Variants in WDR27 observed in about 807,000 individuals in gnomAD.
WDR27 encodes the protein WD repeat-containing protein 27.
A neutral mutation model predicts 114.4 loss-of-function variants in WDR27; 100 were observed. The ratio of observed to expected loss-of-function variants is 0.87; its 90% CI spans 0.74 to 1.03. The LOEUF (loss-of-function observed/expected upper bound fraction) is 1.03. Among genes scored for constraint, WDR27 ranks in the 50% least tolerant of loss-of-function variants. The pLI, the probability that WDR27 is intolerant of heterozygous loss-of-function variation, is 0.00. For synonymous variants in WDR27, 449 were observed against 423.1 expected, an observed-to-expected ratio of 1.06 and a Z score of -0.75; for missense variants, 1,129 against 1,092.9, an observed-to-expected ratio of 1.03 and a Z score of -0.47.
At chr6:169,583,983 G>A (rs1804068893) in intron 23 of WDR27, among the ~76,000 whole-genome samples, 1 of 152,120 alleles carries the variant, frequency 6.6e-6, no homozygotes, top group Non-Finnish European at 1.5e-5. Context: ...ACTAACTTGA[G>A]CACTCATGTT....
At position 169,506,436 on chromosome 6, in the gene WDR27, C is replaced by G. The variant is rs1430066524; in HGVS notation, c.2646-48802G>C. On this transcript the variant is annotated intron_variant, in intron 25 of 25. Transcript: ENST00000448612. ...GCTAATCTTAATGGAGTAACTTTCT[C>G]AAATGTCTGGATTTATAATTTCTAA... Among the ~76,000 whole-genome samples, 12 of 152,272 alleles carry G rather than the reference C, an allele frequency of 7.9e-5. No individual in the cohort carries two copies. The East Asian group carries it at 1.5e-3, about 20-fold the overall frequency.
chr6:169,689,448 C>T (rs1045469459), intron 1 of WDR27: 1 of 152,960 alleles, frequency 6.5e-6, no homozygotes, highest in African/African-American at 2.4e-5. Context: ...GAATTGACCA[C>T]AGCAAATCAG....
intron 22 of WDR27, among the ~76,000 whole-genome samples, chr6:169,613,229 C>T (rs1811019570): frequency 6.6e-6 from 1 of 152,072 alleles, no homozygotes; most frequent in Non-Finnish European, 1.5e-5. Context: ...TGGATGGCAC[C>T]CAGTGGAGAT....
chr6:169,447,245 C>T, the WDR27 span, among the ~76,000 whole-genome samples: 1 of 152,154 alleles, frequency 6.6e-6, no homozygotes, highest in Non-Finnish European at 1.5e-5. Flanking sequence ...CACTTATGAG[C>T]TGTGTTTTTA....
chr6:169,668,460 C>G, intron 4 of WDR27: 1 of 387,312 alleles, frequency 2.6e-6, no homozygotes, highest in East Asian at 5.9e-5. Context: ...CCTTCCCAAT[C>G]CCTCAGCATC....
At chr6:169,570,597 G>A (rs1432269743) in intron 25 of WDR27, among the ~76,000 whole-genome samples, 1 of 152,224 alleles carries the variant, frequency 6.6e-6, no homozygotes, top group African/African-American at 2.4e-5. Context: ...GGGAGGCCTA[G>A]GCGGGCGGAT....
At chr6:169,660,577 G>C in intron 10 of WDR27, 86 bp downstream of exon 10, 1 of 1,103,184 alleles carries the variant, frequency 9.1e-7, no homozygotes, top group Non-Finnish European at 1.4e-6. Context: ...ACACGGCAAG[G>C]CCTTCTCCAC....
the WDR27 span, among the ~76,000 whole-genome samples, chr6:169,440,023 G>T: frequency 6.6e-6 from 1 of 150,522 alleles, no homozygotes; most frequent in African/African-American, 2.5e-5. Flanking sequence ...AAAATCTGAA[G>T]CCTGCCTTGA....
At chr6:169,510,890 T>G (rs922314063) in intron 25 of WDR27, among the ~76,000 whole-genome samples, 1 of 152,212 alleles carries the variant, frequency 6.6e-6, no homozygotes, top group African/African-American at 2.4e-5. Flanking sequence ...TACTATTTCT[T>G]AGTGAATTCA....
chr6:169,526,010 T>C (rs1387785103), intron 25 of WDR27, among the ~76,000 whole-genome samples: 1 of 152,038 alleles, frequency 6.6e-6, no homozygotes, highest in Non-Finnish European at 1.5e-5. Flanking sequence ...TTCCCCCTCA[T>C]ATGTGGAGGA....
intron 2 of WDR27, among the ~76,000 whole-genome samples, chr6:169,674,143 T>A (rs1389013889): frequency 6.6e-6 from 1 of 152,186 alleles, no homozygotes; most frequent in Non-Finnish European, 1.5e-5. Flanking sequence ...AGCTATACTT[T>A]TTTTTCATAT....
chr6:169,502,661 C>G (rs891012946), intron 25 of WDR27, among the ~76,000 whole-genome samples: 1 of 152,142 alleles, frequency 6.6e-6, no homozygotes, highest in Non-Finnish European at 1.5e-5. Context: ...TCTCACTCCC[C>G]GGCGCTCCCT....
intron 6 of WDR27, chr6:169,666,793 T>A: frequency 2.0e-6 from 2 of 1,019,032 alleles, no homozygotes; most frequent in South Asian, 8.9e-5. Flanking sequence ...GTCCTGGCCC[T>A]ACCAACACCG....
Position 169,701,984 on chromosome 6 carries a change from G to A in WDR27, c.-441C>T. ...CCGAGCCACACTCCGCCCCACGCTC[G>A]CCGCTATGGTTACTTGCCAGCCGAC... On this transcript the variant is annotated 5_prime_UTR_variant, in exon 1 of 26. Transcript: ENST00000448612. The A allele has an allele frequency of 2.5e-6, 1 of 399,980 alleles. No homozygotes were observed. Among genetic ancestry groups the A allele is most frequent in the South Asian group, 1.8e-5 (1 of 55,608 alleles). The allele number at this position is 399,980 out of a possible 1,614,324, so 24.8% of individuals were successfully genotyped here. A position where few individuals can be genotyped will look rare whatever the true frequency, so the allele number is the denominator to read the frequency against.
chr6:169,427,811 A>C, the WDR27 span, among the ~76,000 whole-genome samples: 1 of 133,332 alleles, frequency 7.5e-6, no homozygotes, highest in African/African-American at 3.1e-5. Flanking sequence ...ACAACAACCA[A>C]AAAAAAAAAA....
At chr6:169,632,439 G>C (rs1199828448) in intron 21 of WDR27, among the ~76,000 whole-genome samples, 1 of 152,176 alleles carries the variant, frequency 6.6e-6, no homozygotes, top group Non-Finnish European at 1.5e-5. Flanking sequence ...TGGGTACCAA[G>C]TGTCTTTTGA....
intron 21 of WDR27, 96 bp from the exon 22 acceptor site, chr6:169,613,752 G>C (rs1811165093): frequency 9.0e-7 from 1 of 1,107,694 alleles, no homozygotes; most frequent in Non-Finnish European, 1.3e-6. Flanking sequence ...TCTCAAGTAA[G>C]ATATTAACAC....
At chr6:169,667,023 C>T in intron 6 of WDR27, 113 bp downstream of exon 6, 2 of 1,311,066 alleles carry the variant, frequency 1.5e-6, no homozygotes, top group East Asian at 3.1e-5. Context: ...CTGAGATTGC[C>T]TCATTCAGAT....
At chr6:169,483,096 T>C (rs1788417682) in intron 25 of WDR27, among the ~76,000 whole-genome samples, 1 of 152,098 alleles carries the variant, frequency 6.6e-6, no homozygotes, top group African/African-American at 2.4e-5. Flanking sequence ...ATATCTCAAA[T>C]TAACAAAGTA....
Sources: allele counts gnomAD v4.1 joint callset (sites outside exome capture counted in the v4.1 genomes callset), GRCh38; gene constraint gnomAD v4.1.1; transcripts MANE v1.5; gene names NCBI Gene and HGNC (gene_info 2026-07-23, HGNC 2026-07-21).